NLGN1: variants seen among roughly 807,000 people sequenced by gnomAD.
The protein encoded by NLGN1 is neuroligin-1.
A neutral mutation model predicts 65.5 loss-of-function variants in NLGN1; 12 were observed. That is an observed-to-expected ratio of 0.18 (90% CI 0.12 to 0.30). The LOEUF (loss-of-function observed/expected upper bound fraction) is 0.30. Ranked by LOEUF, NLGN1 falls within the 10% of genes least tolerant of loss-of-function variation. NLGN1 has a pLI of 1.00. For missense variants in NLGN1, 750 were observed against 1,007.1 expected, an observed-to-expected ratio of 0.74 and a Z score of 3.46; for synonymous variants, 350 against 359.5, an observed-to-expected ratio of 0.97 and a Z score of 0.30.
chr3:173,891,268 A>G (rs1162680853), intron 4 of NLGN1, among the ~76,000 whole-genome samples: 1 of 152,160 alleles, frequency 6.6e-6, no homozygotes, highest in Non-Finnish European at 1.5e-5. Flanking sequence ...CAAAATAGCA[A>G]ATATATAGCC....
chr3:173,961,000 T>C (rs1713419393), intron 4 of NLGN1, among the ~76,000 whole-genome samples: 1 of 152,132 alleles, frequency 6.6e-6, no homozygotes, highest in African/African-American at 2.4e-5. Flanking sequence ...TATCTTTATC[T>C]GTCTTTTTGC....
intron 4 of NLGN1, among the ~76,000 whole-genome samples, chr3:173,857,660 T>C (rs1308489797): frequency 6.6e-6 from 1 of 152,064 alleles, no homozygotes; most frequent in Non-Finnish European, 1.5e-5. Flanking sequence ...GCCTCTAAAA[T>C]CAGTGCCACT....
intron 3 of NLGN1, among the ~76,000 whole-genome samples, chr3:173,791,709 T>G (rs1266286149): frequency 6.6e-6 from 1 of 152,080 alleles, no homozygotes; most frequent in Non-Finnish European, 1.5e-5. Context: ...CACACCCAAT[T>G]TTTCCTTTTC....
chr3:173,994,903 A>G (rs1388478), intron 4 of NLGN1, among the ~76,000 whole-genome samples: 16,795 of 152,194 alleles, frequency 0.11, 976 homozygotes, highest in East Asian at 0.18. Flanking sequence ...AAGAGGAAAC[A>G]TAAGGAGAAG....
At chr3:174,142,008 A>G (rs552688677) in intron 4 of NLGN1, among the ~76,000 whole-genome samples, 15 of 152,232 alleles carry the variant, frequency 9.9e-5, no homozygotes, top group African/African-American at 3.6e-4. Context: ...TAAATCCCCT[A>G]TGTACCCTTC....
At chr3:173,452,534 C>A (rs1226871983) in intron 2 of NLGN1, among the ~76,000 whole-genome samples, 1 of 152,100 alleles carries the variant, frequency 6.6e-6, no homozygotes, top group African/African-American at 2.4e-5. Flanking sequence ...GCTATGTTGA[C>A]ATGTAAGTCA....
At chr3:174,073,763 A>G (rs1234031217) in intron 4 of NLGN1, among the ~76,000 whole-genome samples, 1 of 152,218 alleles carries the variant, frequency 6.6e-6, no homozygotes, top group Non-Finnish European at 1.5e-5. Flanking sequence ...ACTTACCTGA[A>G]TCATATGTCT....
intron 3 of NLGN1, among the ~76,000 whole-genome samples, chr3:173,734,461 A>G (rs1007564618): frequency 5.8e-5 from 8 of 138,990 alleles, no homozygotes; most frequent in African/African-American, 1.6e-4. Flanking sequence ...CAGTGGCTCA[A>G]TCATAGCTCA....
At chr3:174,289,586 A>T (rs2152903214), downstream of NLGN1, among the ~76,000 whole-genome samples, 1 of 151,406 alleles carries the variant, frequency 6.6e-6, no homozygotes, top group East Asian at 1.9e-4. Context: ...CTGGTGCATT[A>T]TATTAAATGT....
At chr3:174,122,916 TAATA>T (rs981539645) in intron 4 of NLGN1, among the ~76,000 whole-genome samples, 124 of 151,996 alleles carry the variant, frequency 8.2e-4, no homozygotes, top group African/African-American at 2.9e-3. Context: ...TAAAATGTAA[TAATA>T]AATAAATTAA....
chr3:174,047,488 T>A (rs1733877987), intron 4 of NLGN1, among the ~76,000 whole-genome samples: 1 of 152,074 alleles, frequency 6.6e-6, no homozygotes, highest in Admixed American at 6.6e-5. Context: ...CATATGCACA[T>A]ACTATTGTAT....
intron 4 of NLGN1, among the ~76,000 whole-genome samples, chr3:173,809,912 T>G (rs958869445): frequency 2.0e-5 from 3 of 152,206 alleles, no homozygotes; most frequent in Admixed American, 6.5e-5. Context: ...TTCCCAGTGT[T>G]AAATATTTGT....
intron 3 of NLGN1, among the ~76,000 whole-genome samples, chr3:173,687,513 C>T (rs1764852550): frequency 6.6e-6 from 1 of 152,006 alleles, no homozygotes; most frequent in African/African-American, 2.4e-5. Flanking sequence ...CCTGATTTTC[C>T]TAAATGGTAA....
chr3:173,599,230 C>CT (rs111865755), intron 2 of NLGN1, among the ~76,000 whole-genome samples: 8 of 152,234 alleles, frequency 5.3e-5, no homozygotes, highest in African/African-American at 1.7e-4. Flanking sequence ...ACATTAGTTA[C>CT]TTTAAGTATT....
At chr3:173,820,186 A>C (rs28713207) in intron 4 of NLGN1, among the ~76,000 whole-genome samples, 7 of 151,832 alleles carry the variant, frequency 4.6e-5, no homozygotes, top group African/African-American at 9.7e-5. Flanking sequence ...CTCGAAAAAA[A>C]AAAAAAAAAA....
At chr3:173,769,130 A>G (rs1779206796) in intron 3 of NLGN1, among the ~76,000 whole-genome samples, 1 of 152,138 alleles carries the variant, frequency 6.6e-6, no homozygotes, top group African/African-American at 2.4e-5. Flanking sequence ...AGAAAGTCCA[A>G]ATTAAGAGGC....
At chr3:174,021,766 T>C (rs1038102898) in intron 4 of NLGN1, among the ~76,000 whole-genome samples, 5 of 152,146 alleles carry the variant, frequency 3.3e-5, no homozygotes, top group African/African-American at 1.2e-4. Flanking sequence ...TTTGTTATCC[T>C]CTCTTGATTT....
chr3:173,784,082 A>G (rs1037394188), intron 3 of NLGN1, among the ~76,000 whole-genome samples: 1 of 152,220 alleles, frequency 6.6e-6, no homozygotes, highest in African/African-American at 2.4e-5. Flanking sequence ...CATAAAATGT[A>G]TGGAGCACTG....
At chr3:173,585,632 C>G (rs184565385) in intron 2 of NLGN1, among the ~76,000 whole-genome samples, 185 of 152,322 alleles carry the variant, frequency 1.2e-3, no homozygotes, top group African/African-American at 4.1e-3. Context: ...TTCCATAATA[C>G]AAGTCCGAGG....
Sources: allele counts gnomAD v4.1 joint callset (sites outside exome capture counted in the v4.1 genomes callset), GRCh38; gene constraint gnomAD v4.1.1; transcripts MANE v1.5; gene names NCBI Gene and HGNC (gene_info 2026-07-23, HGNC 2026-07-21).